Variants in ITGB4 observed in about 807,000 individuals in gnomAD.
The protein encoded by ITGB4 is integrin subunit beta 4.
A neutral mutation model predicts 207.6 loss-of-function variants in ITGB4; 159 were observed. That is an observed-to-expected ratio of 0.77 (90% confidence interval 0.67 to 0.87). The LOEUF (loss-of-function observed/expected upper bound fraction) is 0.87. Among genes scored for constraint, ITGB4 ranks in the 40% least tolerant of loss-of-function variants. ITGB4 has a pLI of 0.00. For missense variants in ITGB4, 2,278 were observed against 2,546.8 expected (o/e 0.89, Z 2.27); for synonymous variants, 1,020 against 1,062.7 (o/e 0.96, Z 0.78).
chr17:75,726,469 C>T (rs927853811), intron 2 of ITGB4, among the ~76,000 whole-genome samples: 5 of 151,520 alleles, frequency 3.3e-5, no homozygotes, highest in East Asian at 1.9e-4. Context: ...CAGTAGCTCA[C>T]GCCTGTAATC....
At chr17:75,735,339 C>T (rs989634204) in intron 13 of ITGB4, among the ~76,000 whole-genome samples, 1 of 151,802 alleles carries the variant, frequency 6.6e-6, no homozygotes, top group East Asian at 1.9e-4. Flanking sequence ...CCTCCCGCCT[C>T]GGCCTCCCAA....
chr17:75,755,590 C>T (rs542439183), intron 34 of ITGB4, 111 bp from the exon 35 acceptor site: 141 of 1,377,436 alleles, frequency 1.0e-4, no homozygotes, highest in East Asian at 3.1e-4. Context: ...GTCCAGCCAG[C>T]GGTCAGTGTA....
In ITGB4 at chr17:75,755,011, T is replaced by C. The variant is rs375582217; in HGVS notation, c.4558+196T>C. 40 of 1,579,820 alleles carry C rather than the reference T, an allele frequency of 2.5e-5. No homozygotes were observed. In the South Asian group the frequency reaches 3.5e-4, roughly 14 times the overall value. On this transcript the variant is annotated intron_variant, in intron 34 of 39. Coordinates refer to ENST00000200181, the MANE Select transcript of ITGB4 (RefSeq NM_000213.5). ...GCATGCGCACACGTACACACATGCATGCACACTCCCTGCTCCTCTCACTCT... is the reference window on the plus strand; with the variant it reads ...GCATGCGCACACGTACACACATGCACGCACACTCCCTGCTCCTCTCACTCT...
In ITGB4 at chr17:75,740,634, G is replaced by T. The variant is rs2061086278; in HGVS notation, c.2551-159G>T. ...TGGGATCTGTTTCCAGAGGGCAGAA[G>T]GCCAGAGCCTGGGCCCAGGATGCTG... On this transcript the variant is annotated intron_variant, in intron 21 of 39. Coordinates refer to ENST00000200181, the MANE Select transcript of ITGB4 (RefSeq NM_000213.5). This position sits in a 1 kb window ranked among gnomAD's most constrained non-coding sequence, Gnocchi z 5.9. The T allele has an allele frequency of 2.0e-6, 2 of 989,764 alleles. No individual in the cohort carries two copies. The highest frequency in any genetic ancestry group is 1.6e-6 in the Non-Finnish European group (1 of 636,142). 61.3% of individuals were successfully genotyped at this position (989,764 alleles called of 1,614,324 possible).
rs781687929 is a variant in ITGB4, at chr17:75,750,166, C to T, written c.3372C>T (p.His1124=). 9.9e-6 allele frequency: 16 copies of T among 1,613,870 alleles called. No individual in the cohort carries two copies. In the Admixed American group the frequency reaches 1.3e-4, roughly 13 times the overall value. ...SQMLSSQPPP[H]GDLGAPQNPN... is the part of the protein sequence containing the mutation. The stretch of plus-strand genomic sequence containing the variant: ...TGTTGTCATCACAGCCACCCCCTCA[C>T]GGCGACCTGGGCGCCCCGCAGAACC... Residue 1124 remains histidine, a synonymous_variant, in exon 28 of 40, where the codon CAC becomes CAT. Transcript: ENST00000200181. The surrounding 1 kb of genome is among the most constrained non-coding windows in gnomAD (Gnocchi z 5.5).
rs749371774 is a variant in ITGB4, at chr17:75,733,562, C to A, written c.1527C>A (p.Asp509Glu). 6.2e-7 allele frequency: 1 copy of A among 1,613,990 alleles called. No individual in the cohort carries two copies. Among genetic ancestry groups the A allele is most frequent in the Non-Finnish European group, 8.5e-7 (1 of 1,180,028 alleles). ...DIQPCLREGE[D>E]KPCSGRGECQ... ...AGCCCTGCCTGCGGGAGGGCGAGGA[C>A]AAGCCGTGCTCCGGCCGTGGGGAGT... is the stretch of plus-strand genomic sequence containing the variant. Residue 509 changes from aspartate to glutamate, a missense_variant, in exon 13 of 40, where the codon GAC (aspartate) becomes GAA (glutamate). Transcript: ENST00000200181.
intron 13 of ITGB4, 67 bp downstream of exon 13, chr17:75,733,759 C>A: frequency 6.6e-7 from 1 of 1,520,480 alleles, no homozygotes; most frequent in Non-Finnish European, 9.0e-7. Flanking sequence ...ATGACTTTCC[C>A]GTCAGGACCC....
intron 32 of ITGB4, 56 bp from the exon 33 acceptor site, chr17:75,753,709 C>T (rs2061420609): frequency 1.6e-6 from 2 of 1,227,462 alleles, no homozygotes; most frequent in Admixed American, 3.7e-5. Context: ...CCCGCCTGGC[C>T]CTGCTCGGCC....
Position 75,740,284 on chromosome 17 carries a change from G to A in ITGB4, c.2447-74G>A. 7.2e-7 allele frequency: 1 copy of A among 1,392,070 alleles called. No homozygotes were observed. The highest frequency in any genetic ancestry group is 2.3e-4 in the Middle Eastern group (1 of 4,306). 86.2% of individuals were successfully genotyped at this position (1,392,070 alleles called of 1,614,324 possible). On this transcript the variant is annotated intron_variant, in intron 20 of 39. Transcript: ENST00000200181. This position sits in a 1 kb window ranked among gnomAD's most constrained non-coding sequence, Gnocchi z 5.9. ...CCCTGATCCTAGCATGGTTGCTGGA[G>A]GGATGCTCTGTGGTGCCTGTCATGC... is the stretch of plus-strand genomic sequence containing the variant.
Position 75,729,257 on chromosome 17 carries a change from C to A in ITGB4, c.567-8C>A. ...GTGACACTCTCTCTCCCTCCCACCT[C>A]TGCCCAGGCTGAAGGAGCCCTGGCC... On this transcript the variant is annotated splice_polypyrimidine_tract_variant and splice_region_variant and intron_variant, in intron 6 of 39. Coordinates refer to ENST00000200181, the MANE Select transcript of ITGB4 (RefSeq NM_000213.5). The surrounding 1 kb of genome is among the most constrained non-coding windows in gnomAD (Gnocchi z 4.4). 1 of 1,613,926 alleles carries A rather than the reference C, an allele frequency of 6.2e-7. No individual in the cohort carries two copies. The highest frequency in any genetic ancestry group is 1.1e-5 in the South Asian group (1 of 91,088).
At chr17:75,753,317 C>G (rs904079997) in intron 32 of ITGB4, among the ~76,000 whole-genome samples, 2 of 152,150 alleles carry the variant, frequency 1.3e-5, no homozygotes, top group African/African-American at 2.4e-5. Flanking sequence ...ACTCTGGAAC[C>G]CCAGCTCAGC....
intron 2 of ITGB4, 44 bp downstream of exon 2, chr17:75,724,826 C>T (rs753859318): frequency 2.0e-6 from 3 of 1,520,988 alleles, no homozygotes; most frequent in Non-Finnish European, 2.7e-6. Flanking sequence ...CAGGATCATC[C>T]CTTGGGCAGG....
At chr17:75,748,207 A>T (rs1298184028) in intron 26 of ITGB4, among the ~76,000 whole-genome samples, 3 of 141,456 alleles carry the variant, frequency 2.1e-5, no homozygotes, top group African/African-American at 9.2e-5. Context: ...CAAAAAAAAA[A>T]AAAAAAAAAA....
At position 75,730,409 on chromosome 17, in the gene ITGB4, G is replaced by T. The variant is rs2060825661; in HGVS notation, c.907G>T (p.Asp303Tyr). ...CACCTACACCCAGTACAGGACACAGGACTACCCGTCGGTGCCCACCCTGGT... is the reference window on the plus strand; with the variant it reads ...CACCTACACCCAGTACAGGACACAGTACTACCCGTCGGTGCCCACCCTGGT... ...TGTYTQYRTQ[D>Y]YPSVPTLVRL... The change falls in exon 8 of 40, where the codon GAC becomes TAC. Residue 303 changes from aspartate to tyrosine, a missense_variant. Physicochemically the swap from Asp to Tyr is radical, Grantham distance 160 (BLOSUM62 -3). Coordinates refer to ENST00000200181, the MANE Select transcript of ITGB4 (RefSeq NM_000213.5). The T allele has an allele frequency of 6.2e-7, 1 of 1,613,910 alleles. No individual in the cohort carries two copies. The highest frequency in any genetic ancestry group is 8.5e-7 in the Non-Finnish European group (1 of 1,180,022).
At position 75,749,019 on chromosome 17, in the gene ITGB4, C is replaced by T; in HGVS notation, c.3290C>T (p.Ser1097Phe). The T allele has an allele frequency of 1.2e-6, 2 of 1,612,168 alleles. No individual in the cohort carries two copies. The highest frequency in any genetic ancestry group is 1.1e-5 in the South Asian group (1 of 91,044). Residue 1097 changes from serine (S) to phenylalanine (F), a missense_variant, in exon 27 of 40, where the codon TCC (serine) becomes TTC (phenylalanine). By Grantham distance (155) the Ser-to-Phe change is radical. Transcript: ENST00000200181. ...KFGAHLGQPH[S>F]TTIIIRDPDE... is the part of the protein sequence containing the mutation. ...GGGGCCCACCTGGGCCAGCCCCACT[C>T]CACCACCATCATCATCAGGGACCCA...
chr17:75,754,748 C>T lies in ITGB4; in HGVS notation c.4491C>T (p.Arg1497=). 3 of 1,612,682 alleles carry T rather than the reference C, an allele frequency of 1.9e-6. No homozygotes were observed. The highest frequency in any genetic ancestry group is 1.7e-6 in the Non-Finnish European group (2 of 1,178,980). The change falls in exon 34 of 40, where the codon CGC becomes CGT. Residue 1497 remains arginine (R), a synonymous_variant. Transcript: ENST00000200181. ...TLTRDYNSLT[R]SEHSHSTTLP... is the part of the protein sequence containing the mutation. The stretch of plus-strand genomic sequence containing the variant: ...CACGGGACTACAACTCACTGACCCG[C>T]TCAGAACACTCACACTCGACCACAC...
chr17:75,737,566 C>T lies in ITGB4; in HGVS notation c.2142C>T (p.Leu714=), dbSNP rs773217891. 8.8e-6 allele frequency: 14 copies of T among 1,595,866 alleles called. No individual in the cohort carries two copies. The Admixed American group carries it at 1.2e-4, about 14-fold the overall frequency. ...GCCCTCCGGGCTCCTTCTGGTGGCT[C>T]ATCCCCCTGCTCCTCCTCCTCCTGC... The part of the protein sequence containing the change: ...KDCPPGSFWW[L]IPLLLLLLPL... The change falls in exon 18 of 40, where the codon CTC becomes CTT. Residue 714 remains leucine (L), a synonymous_variant. Transcript: ENST00000200181.
chr17:75,755,922 A>T, intron 35 of ITGB4, 72 bp downstream of exon 35: 1 of 1,534,934 alleles, frequency 6.5e-7, no homozygotes, highest in Non-Finnish European at 8.8e-7. Context: ...CACATAGGGT[A>T]CCTCAGCTGT....
chr17:75,750,926 C>A lies in ITGB4; in HGVS notation c.3656-48C>A. On this transcript the variant is annotated intron_variant, in intron 29 of 39. Transcript: ENST00000200181. This position sits in a 1 kb window ranked among gnomAD's most constrained non-coding sequence, Gnocchi z 5.5. ...CCTGATGCCAGCATGCCCAGACCTC[C>A]CTCCCTCTGCCACTGACAGCACTCT... The A allele has an allele frequency of 6.2e-7, 1 of 1,613,416 alleles. No individual in the cohort carries two copies.
Sources: allele counts gnomAD v4.1 joint callset (sites outside exome capture counted in the v4.1 genomes callset), GRCh38; gene constraint gnomAD v4.1.1; non-coding constraint Gnocchi (gnomAD v3.1); transcripts MANE v1.5; gene names NCBI Gene and HGNC (gene_info 2026-07-23, HGNC 2026-07-21).